The following KNTC1 variants were observed in gnomAD, a reference collection of about 807,000 sequenced individuals.
KNTC1 encodes kinetochore-associated protein 1.
KNTC1 carries 253 observed loss-of-function variants against 314.4 expected under a neutral mutation model. The observed-to-expected ratio is 0.80, with a 90% CI of 0.73 to 0.89. The LOEUF (loss-of-function observed/expected upper bound fraction) is 0.89, where lower values mean the gene tolerates loss of function less well. Among genes scored for constraint, KNTC1 ranks in the 40% least tolerant of loss-of-function variants. The pLI, the probability that KNTC1 is intolerant of heterozygous loss-of-function variation, is 0.00. For missense variants in KNTC1, 2,475 were observed against 2,572.9 expected, an observed-to-expected ratio of 0.96 and a Z score of 0.82; for synonymous variants, 901 against 901.4, an observed-to-expected ratio of 1.00 and a Z score of 0.01.
intron 42 of KNTC1, among the ~76,000 whole-genome samples, chr12:122,592,163 C>T (rs541880998): frequency 6.6e-6 from 1 of 152,242 alleles, no homozygotes; most frequent in Non-Finnish European, 1.5e-5. Flanking sequence ...GGGCTTAGCA[C>T]CCGGGCCAGC....
chr12:122,569,496 G>A (rs899658216), intron 21 of KNTC1, among the ~76,000 whole-genome samples, 185 bp from the exon 22 acceptor site: 5 of 152,282 alleles, frequency 3.3e-5, no homozygotes, highest in Middle Eastern at 6.8e-3. Context: ...ACTCAGCGCC[G>A]TGACATTGCA....
At chr12:122,588,882 A>G in intron 40 of KNTC1, 66 bp downstream of exon 40, 1 of 924,078 alleles carries the variant, frequency 1.1e-6, no homozygotes, top group Non-Finnish European at 1.6e-6. Context: ...AGTTAATTGC[A>G]TATGACTCAA....
Position 122,582,762 on chromosome 12 carries a change from G to T in KNTC1, c.3040G>T (p.Asp1014Tyr), listed in dbSNP as rs779543176. 6.2e-7 allele frequency: 1 copy of T among 1,612,444 alleles called. No homozygotes were observed. Among genetic ancestry groups the T allele is most frequent in the Admixed American group, 1.7e-5 (1 of 59,912 alleles). ...EDYSNSSLVADLREQHIKAHE... is the reference protein window; with the variant it reads ...EDYSNSSLVAYLREQHIKAHE... ...TTATAGCAATAGTTCCCTGGTAGCA[G>T]ATCTCCGTGAGCAGCACATTAAAGC... The change falls in exon 34 of 64, where the codon GAT becomes TAT. Residue 1014 changes from aspartate to tyrosine, a missense_variant. Transcript: ENST00000333479.
chr12:122,590,851 C>T (rs1202487636), intron 41 of KNTC1, 116 bp downstream of exon 41: 1 of 987,144 alleles, frequency 1.0e-6, no homozygotes, highest in African/African-American at 1.6e-5. Flanking sequence ...GTTGAGCTAA[C>T]TCGTGATTTC....
chr12:122,586,328 C>T (rs1470308720), intron 37 of KNTC1, among the ~76,000 whole-genome samples: 5 of 152,106 alleles, frequency 3.3e-5, no homozygotes, highest in South Asian at 2.1e-4. Flanking sequence ...GTGATCTGCC[C>T]GCCTCAGCCT....
chr12:122,571,266 T>A, intron 24 of KNTC1, 140 bp downstream of exon 24: 1 of 522,344 alleles, frequency 1.9e-6, no homozygotes, highest in Non-Finnish European at 3.3e-6. Flanking sequence ...GTTTTGTGCC[T>A]TTCAAATCCA....
intron 30 of KNTC1, 85 bp downstream of exon 30, chr12:122,577,114 A>G: frequency 9.2e-7 from 1 of 1,081,600 alleles, no homozygotes; most frequent in Non-Finnish European, 1.3e-6. Flanking sequence ...GTCTCGCTCC[A>G]TTGCCCAGGC....
chr12:122,609,680 G>A (rs1230477947), intron 52 of KNTC1, among the ~76,000 whole-genome samples: 1 of 151,886 alleles, frequency 6.6e-6, no homozygotes, highest in East Asian at 1.9e-4. Context: ...GCTGAAAGGT[G>A]CCTCTCAAGC....
At chr12:122,541,436 A>G (rs1184270040) in intron 5 of KNTC1, among the ~76,000 whole-genome samples, 1 of 145,164 alleles carries the variant, frequency 6.9e-6, no homozygotes, top group African/African-American at 2.6e-5. Context: ...AACCTCCACT[A>G]CCCGGGTTCA....
At chr12:122,624,534 C>A in intron 62 of KNTC1, 64 bp from the exon 63 acceptor site, 2 of 1,215,934 alleles carry the variant, frequency 1.6e-6, no homozygotes, top group Non-Finnish European at 2.4e-6. Flanking sequence ...TCCCTGAGTG[C>A]CGGGATTGTA....
intron 61 of KNTC1, among the ~76,000 whole-genome samples, 182 bp downstream of exon 61, chr12:122,622,152 T>C (rs1340919634): frequency 6.6e-6 from 1 of 152,236 alleles, no homozygotes; most frequent in African/African-American, 2.4e-5. Flanking sequence ...GAGCGTCTTG[T>C]TGACTGCTGT....
In KNTC1 at chr12:122,626,314, A is replaced by G; in HGVS notation, c.*86A>G. 1.1e-6 allele frequency: 1 copy of G among 906,872 alleles called. No individual in the cohort carries two copies. The highest frequency in any genetic ancestry group is 1.8e-6 in the Non-Finnish European group (1 of 564,732). The allele number at this position is 906,872 out of a possible 1,614,324, so 56.2% of individuals were successfully genotyped here. A position where few individuals can be genotyped will look rare whatever the true frequency, so the allele number is the denominator to read the frequency against. The stretch of plus-strand genomic sequence containing the variant: ...ATTTATTACAGTTTTTAAATTGTAC[A>G]ATCTCTGTATTATAGCTATTTGTCT... On this transcript the variant is annotated 3_prime_UTR_variant, in exon 64 of 64. Transcript: ENST00000333479.
intron 3 of KNTC1, among the ~76,000 whole-genome samples, chr12:122,537,833 C>G (rs1961963494): frequency 6.6e-6 from 1 of 152,040 alleles, no homozygotes; most frequent in Admixed American, 6.6e-5. Flanking sequence ...AGTAAGTGCT[C>G]AGTAAATATT....
chr12:122,620,640 A>G (rs1172361612), intron 60 of KNTC1, 32 bp downstream of exon 60: 2 of 1,603,850 alleles, frequency 1.2e-6, no homozygotes, highest in East Asian at 2.2e-5. Context: ...TGGGCTGCCA[A>G]GGAAATAGAA....
chr12:122,568,994 T>C (rs1329656994), intron 21 of KNTC1, among the ~76,000 whole-genome samples: 1 of 152,048 alleles, frequency 6.6e-6, no homozygotes, highest in Non-Finnish European at 1.5e-5. Flanking sequence ...CGTGGATGCA[T>C]GGAGGGAAAC....
chr12:122,560,726 C>T (rs1963913884), intron 18 of KNTC1, among the ~76,000 whole-genome samples: 1 of 152,126 alleles, frequency 6.6e-6, no homozygotes, highest in East Asian at 1.9e-4. Flanking sequence ...GGTGACTGTG[C>T]CATTTCACAT....
At position 122,557,486 on chromosome 12, in the gene KNTC1, A is replaced by C; in HGVS notation, c.1375A>C (p.Lys459Gln). ...TEWQQLVDDA[K>Q]ENLHKIQDDE... ...ATGGCAACAACTTGTAGACGACGCT[A>C]AGGAAAATCTACATAAGATCCAGGT... The change falls in exon 17 of 64, where the codon AAG (lysine) becomes CAG (glutamine). Residue 459 changes from lysine to glutamine, a missense_variant. Coordinates refer to ENST00000333479, the MANE Select transcript of KNTC1 (RefSeq NM_014708.6). The C allele has an allele frequency of 6.2e-7, 1 of 1,613,836 alleles. No individual in the cohort carries two copies. Among genetic ancestry groups the C allele is most frequent in the Non-Finnish European group, 8.5e-7 (1 of 1,179,804 alleles).
chr12:122,581,705 G>A (rs1868416104), intron 33 of KNTC1, among the ~76,000 whole-genome samples: 1 of 151,916 alleles, frequency 6.6e-6, no homozygotes, highest in East Asian at 1.9e-4. Context: ...ATGTTTGCCA[G>A]GCTGGTCTCA....
At chr12:122,571,172 C>T (rs1180254564) in intron 24 of KNTC1, 46 bp downstream of exon 24, 1 of 1,420,418 alleles carries the variant, frequency 7.0e-7, no homozygotes, top group Non-Finnish European at 9.9e-7. Context: ...GTCAGTTTAC[C>T]TGAAAGGGTT....
Sources: gnomAD v4.1 joint callset for allele counts (sites outside exome capture counted in the v4.1 genomes callset) on GRCh38, gnomAD v4.1.1 for gene constraint, MANE v1.5 for transcripts, NCBI Gene and HGNC (gene_info 2026-07-23, HGNC 2026-07-21) for gene names.